Variants in PARD3 observed in about 807,000 individuals in gnomAD.
PARD3 encodes par-3 family cell polarity regulator.
PARD3 carries 75 observed loss-of-function variants against 155.4 expected under a neutral mutation model. That is an observed-to-expected ratio of 0.48 (90% CI 0.40 to 0.58). The LOEUF is 0.58. Among genes scored for constraint, PARD3 ranks in the 20% least tolerant of loss-of-function variants. PARD3 has a pLI of 0.00. For missense variants in PARD3, 1,642 were observed against 1,721.7 expected, an observed-to-expected ratio of 0.95 and a Z score of 0.82; for synonymous variants, 576 against 610.5, an observed-to-expected ratio of 0.94 and a Z score of 0.83.
chr10:34,312,421 G>C (rs755573260), intron 20 of PARD3: 55 of 1,607,250 alleles, frequency 3.4e-5, no homozygotes, highest in Non-Finnish European at 4.5e-5. Context: ...AGTTAGTACA[G>C]GTGAGGAAAG....
Position 34,243,541 on chromosome 10 carries a change from T to A in PARD3, c.3419+26116A>T, listed in dbSNP as rs575966014. Reference sequence around the variant, plus strand: ...AGATCTACTTACTTTAAGGATTTTTTAAAAATCATAATATGGCCAGGCACG... The same window carrying A: ...AGATCTACTTACTTTAAGGATTTTTAAAAAATCATAATATGGCCAGGCACG... On this transcript the variant is annotated intron_variant, in intron 22 of 24. Transcript: ENST00000374788. Among the ~76,000 whole-genome samples the A allele has an allele frequency of 3.3e-5, 5 of 152,276 alleles. No individual in the cohort carries two copies. In the South Asian group the frequency reaches 8.3e-4, roughly 25 times the overall value.
intron 7 of PARD3, among the ~76,000 whole-genome samples, chr10:34,390,091 ATAAAGT>A (rs1171715081): frequency 5.3e-5 from 8 of 152,344 alleles, no homozygotes; most frequent in Non-Finnish European, 8.8e-5. Flanking sequence ...GATTCAGCAA[ATAAAGT>A]TAAATTGCGT....
At chr10:34,367,578 C>T (rs1840094319) in intron 12 of PARD3, among the ~76,000 whole-genome samples, 1 of 152,070 alleles carries the variant, frequency 6.6e-6, no homozygotes, top group Non-Finnish European at 1.5e-5. Context: ...TTGGCACGTG[C>T]CTGTAATCCC....
intron 4 of PARD3, among the ~76,000 whole-genome samples, chr10:34,453,759 A>C (rs994292067): frequency 6.6e-6 from 1 of 152,226 alleles, no homozygotes; most frequent in Non-Finnish European, 1.5e-5. Flanking sequence ...AATGCATAGA[A>C]AAAACAGTAC....
chr10:34,115,953 C>T (rs1037807682), intron 24 of PARD3, among the ~76,000 whole-genome samples: 4 of 152,186 alleles, frequency 2.6e-5, no homozygotes, highest in Admixed American at 2.0e-4. Context: ...ACCTTGTGAT[C>T]CGCCTGCCTC....
chr10:34,496,222 A>G lies in PARD3; in HGVS notation c.403+20757T>C, dbSNP rs186522953. Among the ~76,000 whole-genome samples, 39 of 151,706 alleles carry G rather than the reference A, an allele frequency of 2.6e-4. No homozygotes were observed. In the East Asian group the frequency reaches 2.7e-3, roughly 11 times the overall value. ...ATGTCTCAAAAGGGAAGAAGAAGAA[A>G]AAAAAAAAAGAAACAAAAACAAAAC... On this transcript the variant is annotated intron_variant, in intron 3 of 24. Transcript: ENST00000374788.
chr10:34,690,396 C>T (rs568337772), intron 2 of PARD3, among the ~76,000 whole-genome samples: 2 of 152,294 alleles, frequency 1.3e-5, no homozygotes, highest in South Asian at 4.1e-4. Context: ...TGAACATCTA[C>T]ATCATGATGT....
intron 22 of PARD3, among the ~76,000 whole-genome samples, chr10:34,177,826 T>TC (rs1028795810): frequency 3.3e-5 from 5 of 152,042 alleles, no homozygotes; most frequent in African/African-American, 1.2e-4. Flanking sequence ...AAAGTGGGGG[T>TC]CCTCGCTTTC....
chr10:34,287,108 A>C (rs999453169), intron 20 of PARD3, among the ~76,000 whole-genome samples: 2 of 152,106 alleles, frequency 1.3e-5, no homozygotes, highest in African/African-American at 4.8e-5. Flanking sequence ...ATAAGGCGGG[A>C]TGGATTAATC....
intron 8 of PARD3, 113 bp downstream of exon 8, chr10:34,384,016 T>C (rs1031497941): frequency 9.9e-7 from 1 of 1,012,034 alleles, no homozygotes; most frequent in African/African-American, 1.6e-5. Context: ...GCAGAAAATA[T>C]TCCTCTCCAG....
intron 20 of PARD3, among the ~76,000 whole-genome samples, chr10:34,313,666 A>G (rs1373327222): frequency 6.6e-6 from 1 of 152,208 alleles, no homozygotes; most frequent in East Asian, 1.9e-4. Context: ...TAGAGTTTTT[A>G]AAACAAGGCC....
At chr10:34,309,794 CAGAA>C (rs1957608754) in intron 20 of PARD3, among the ~76,000 whole-genome samples, 1 of 110,426 alleles carries the variant, frequency 9.1e-6, no homozygotes, top group Non-Finnish European at 1.7e-5. Flanking sequence ...ATGGATGATG[CAGAA>C]AGAATTATGA....
intron 1 of PARD3, among the ~76,000 whole-genome samples, chr10:34,769,022 C>T (rs1260263933): frequency 6.6e-6 from 1 of 152,250 alleles, no homozygotes; most frequent in South Asian, 2.1e-4. Context: ...ACTCCCTTGA[C>T]TTCTGCCTCC....
At chr10:34,790,916 A>G (rs1462387580) in intron 1 of PARD3, among the ~76,000 whole-genome samples, 1 of 152,158 alleles carries the variant, frequency 6.6e-6, no homozygotes, top group African/African-American at 2.4e-5. Context: ...CATCCCTTCC[A>G]TCCCAGCCTC....
intron 22 of PARD3, among the ~76,000 whole-genome samples, chr10:34,148,332 A>G (rs2132937122): frequency 6.6e-6 from 1 of 152,304 alleles, no homozygotes; most frequent in East Asian, 1.9e-4. Context: ...CAGAAGTCAC[A>G]GGCCTCCACA....
intron 19 of PARD3, among the ~76,000 whole-genome samples, chr10:34,321,451 C>G (rs1958369343): frequency 6.6e-6 from 1 of 152,160 alleles, no homozygotes; most frequent in Non-Finnish European, 1.5e-5. Context: ...ATACCCTACA[C>G]AAAGAGCGAT....
chr10:34,660,501 CTA>C (rs2093295562), intron 2 of PARD3, among the ~76,000 whole-genome samples: 1 of 152,056 alleles, frequency 6.6e-6, no homozygotes, highest in Non-Finnish European at 1.5e-5. Context: ...CGGGGCTGCA[CTA>C]CACACCTGGG....
At chr10:34,595,355 A>C (rs1212531645) in intron 2 of PARD3, among the ~76,000 whole-genome samples, 1 of 152,246 alleles carries the variant, frequency 6.6e-6, no homozygotes, top group Admixed American at 6.5e-5. Context: ...CTGAGTATTC[A>C]TTCAGAGTAT....
intron 1 of PARD3, among the ~76,000 whole-genome samples, chr10:34,744,804 T>C (rs1835102689): frequency 6.6e-6 from 1 of 152,156 alleles, no homozygotes; most frequent in Non-Finnish European, 1.5e-5. Context: ...AAATTTTAAA[T>C]AAAAACAGAC....
Sources: gnomAD v4.1 joint callset for allele counts (sites outside exome capture counted in the v4.1 genomes callset) on GRCh38, gnomAD v4.1.1 for gene constraint, MANE v1.5 for transcripts, NCBI Gene and HGNC (gene_info 2026-07-23, HGNC 2026-07-21) for gene names.